The following SFI1 variants were observed in gnomAD, a reference collection of about 807,000 sequenced individuals.
SFI1 encodes the protein SFI1 centrin binding protein.
Under a neutral mutation model 207.5 loss-of-function variants are expected in SFI1, and 195 were observed. The observed-to-expected ratio is 0.94, with a 90% CI of 0.84 to 1.06. The LOEUF is 1.06. SFI1 is among the 50% of genes least tolerant of loss of function. SFI1 has a pLI of 0.00. For missense variants in SFI1, 1,634 were observed against 1,588.0 expected (o/e 1.03, Z -0.49); for synonymous variants, 630 against 598.9 (o/e 1.05, Z -0.76).
chr22:31,539,941 C>T (rs1157594745), intron 4 of SFI1, among the ~76,000 whole-genome samples: 2 of 152,050 alleles, frequency 1.3e-5, no homozygotes, highest in African/African-American at 4.8e-5. Context: ...GTCTCAAACT[C>T]CTGACTTCAG....
intron 2 of SFI1, among the ~76,000 whole-genome samples, chr22:31,526,618 T>G (rs1321009525): frequency 2.0e-5 from 3 of 150,674 alleles, no homozygotes; most frequent in Non-Finnish European, 4.4e-5. Flanking sequence ...CAGGCTGGAG[T>G]GCATTCAGTT....
In SFI1 at chr22:31,602,298, A is replaced by C; in HGVS notation, c.1626+5A>C. 6.2e-7 allele frequency: 1 copy of C among 1,613,132 alleles called. No individual in the cohort carries two copies. The highest frequency in any genetic ancestry group is 1.1e-5 in the South Asian group (1 of 91,058). On this transcript the variant is annotated splice_donor_5th_base_variant and intron_variant, in intron 16 of 32. Coordinates refer to ENST00000400288, the MANE Select transcript of SFI1 (RefSeq NM_001007467.3). ...AACCGCCTGGCAGAGAGAATGGTAA[A>C]TGGCTGTCCCTGAGGAGATGTGTGG...
At chr22:31,609,898 G>A (rs1282945541) in intron 22 of SFI1, among the ~76,000 whole-genome samples, 1 of 152,216 alleles carries the variant, frequency 6.6e-6, no homozygotes, top group Non-Finnish European at 1.5e-5. Context: ...CTGCCTTAAG[G>A]GTCAGGTGCC....
intron 2 of SFI1, among the ~76,000 whole-genome samples, chr22:31,514,507 CAAAAAAAA>C (rs776120363): frequency 2.0e-5 from 1 of 48,970 alleles, no homozygotes; most frequent in Non-Finnish European, 3.7e-5. Flanking sequence ...GACTCTGTCT[CAAAAAAAA>C]AAAAAAAAAA....
At chr22:31,521,087 T>A (rs1332341122) in intron 2 of SFI1, 1 of 152,316 alleles carries the variant, frequency 6.6e-6, no homozygotes, top group Non-Finnish European at 1.5e-5. Context: ...AAAAAATTTT[T>A]AAAAATTAGC....
intron 7 of SFI1, among the ~76,000 whole-genome samples, chr22:31,557,785 C>T (rs1359604593): frequency 6.6e-6 from 1 of 152,130 alleles, no homozygotes; most frequent in Non-Finnish European, 1.5e-5. Context: ...AAAACTAGGG[C>T]TCACCCACCC....
At chr22:31,512,048 G>T (rs942421448) in intron 2 of SFI1, among the ~76,000 whole-genome samples, 11 of 152,136 alleles carry the variant, frequency 7.2e-5, no homozygotes, top group Admixed American at 1.3e-4. Flanking sequence ...CACAGGTAAA[G>T]AAATAGGTTA....
chr22:31,589,045 A>C (rs1024941738), intron 14 of SFI1, among the ~76,000 whole-genome samples: 16 of 152,170 alleles, frequency 1.1e-4, no homozygotes, highest in African/African-American at 3.9e-4. Flanking sequence ...GGGTGGGGAA[A>C]TATTTAAGAT....
intron 1 of SFI1, among the ~76,000 whole-genome samples, chr22:31,507,447 A>G (rs538020048): frequency 6.6e-6 from 1 of 152,352 alleles, no homozygotes; most frequent in South Asian, 2.1e-4. Context: ...AGGCACAGGC[A>G]AAGATTTCAT....
chr22:31,615,238 C>A lies in SFI1; in HGVS notation c.3259C>A (p.Leu1087Ile). 6.5e-7 allele frequency: 1 copy of A among 1,534,652 alleles called. No homozygotes were observed. The highest frequency in any genetic ancestry group is 8.7e-7 in the Non-Finnish European group (1 of 1,148,516). ...AGGCCCGGAGCTGCTGCTGCTGCCTCTTTCCTCCTTCATGCCCTGCGGGGC... is the reference window on the plus strand; with the variant it reads ...AGGCCCGGAGCTGCTGCTGCTGCCTATTTCCTCCTTCATGCCCTGCGGGGC... Reference protein sequence around the residue: ...STGPELLLLPLSSFMPCGAAA... With the variant: ...STGPELLLLPISSFMPCGAAA... The change falls in exon 29 of 33, where the codon CTT becomes ATT. Residue 1087 changes from leucine (L) to isoleucine (I), a missense_variant. By Grantham distance (5) the Leu-to-Ile change is conservative (BLOSUM62 2). Coordinates refer to ENST00000400288, the MANE Select transcript of SFI1 (RefSeq NM_001007467.3).
intron 1 of SFI1, among the ~76,000 whole-genome samples, chr22:31,501,796 G>A (rs1010216955): frequency 6.6e-6 from 1 of 152,182 alleles, no homozygotes; most frequent in Non-Finnish European, 1.5e-5. Context: ...ACATAACATT[G>A]ATAAGAAAAA....
At chr22:31,597,510 C>A (rs1406238011) in intron 15 of SFI1, among the ~76,000 whole-genome samples, 1 of 152,154 alleles carries the variant, frequency 6.6e-6, no homozygotes, top group Non-Finnish European at 1.5e-5. Context: ...TGACCCTGGA[C>A]AAGTCAGTCT....
In SFI1 at chr22:31,603,773, TC is replaced by T; in HGVS notation, c.1837del (p.His613ThrfsTer27). Reference protein sequence around the residue: ...ERTGRVRAAEFHMAQLLRWAW... With the variant: ...ERTGRVRAAEXHMAQLLRWAW... The stretch of plus-strand genomic sequence containing the variant: ...ACGGGCAGGGTGCGGGCAGCAGAAT[TC>T]CACATGGCCCAGCTCCTGCGTTGGG... On this transcript the variant is annotated frameshift_variant, in exon 18 of 33. Transcript: ENST00000400288. LOFTEE classifies it high-confidence loss of function. 1 of 1,547,252 alleles carries T rather than the reference TC, an allele frequency of 6.5e-7. No homozygotes were observed. The highest frequency in any genetic ancestry group is 1.3e-5 in the South Asian group (1 of 79,438).
intron 4 of SFI1, among the ~76,000 whole-genome samples, chr22:31,534,462 T>G (rs2103852): frequency 1.3e-5 from 2 of 152,198 alleles, no homozygotes; most frequent in Admixed American, 1.3e-4. Flanking sequence ...TTTCTATCTG[T>G]GATAATTTTC....
At chr22:31,518,605 T>C (rs989017440) in intron 2 of SFI1, among the ~76,000 whole-genome samples, 2 of 152,206 alleles carry the variant, frequency 1.3e-5, no homozygotes, top group East Asian at 1.9e-4. Flanking sequence ...TTCTCTGTTA[T>C]GTTTGTCGTC....
chr22:31,526,121 G>A (rs1412217033), intron 2 of SFI1, among the ~76,000 whole-genome samples: 4 of 152,036 alleles, frequency 2.6e-5, no homozygotes, highest in Admixed American at 2.6e-4. Flanking sequence ...TTATTTTTTG[G>A]GAGTAGTACT....
At chr22:31,567,660 G>C (rs1228518784) in intron 8 of SFI1, among the ~76,000 whole-genome samples, 2 of 152,072 alleles carry the variant, frequency 1.3e-5, no homozygotes, top group Admixed American at 1.3e-4. Flanking sequence ...GTTACCTATA[G>C]GAGGAGGGAG....
intron 7 of SFI1, among the ~76,000 whole-genome samples, chr22:31,558,738 A>C (rs1374773754): frequency 5.3e-5 from 8 of 151,932 alleles, no homozygotes; most frequent in Non-Finnish European, 1.2e-4. Context: ...CAGCCTCTCC[A>C]AGTGCTGGGA....
chr22:31,500,591 G>A (rs2053576117), intron 1 of SFI1, among the ~76,000 whole-genome samples: 1 of 151,996 alleles, frequency 6.6e-6, no homozygotes, highest in Non-Finnish European at 1.5e-5. Context: ...CTGAGTAGCT[G>A]GAATTACAGG....
Sources: gnomAD v4.1 joint callset for allele counts (sites outside exome capture counted in the v4.1 genomes callset) on GRCh38, gnomAD v4.1.1 for gene constraint, MANE v1.5 for transcripts, NCBI Gene and HGNC (gene_info 2026-07-23, HGNC 2026-07-21) for gene names.